The following CMIP variants were observed in gnomAD, a reference collection of about 807,000 sequenced individuals.
CMIP encodes the protein C-Maf-inducing protein.
Under a neutral mutation model 97.3 loss-of-function variants are expected in CMIP, and 13 were observed. The ratio of observed to expected loss-of-function variants is 0.13; its 90% CI spans 0.09 to 0.21. The LOEUF (loss-of-function observed/expected upper bound fraction) is 0.21, where lower values mean the gene tolerates loss of function less well. Ranked by LOEUF, CMIP falls within the 10% of genes least tolerant of loss-of-function variation. The probability of loss-of-function intolerance (pLI) is 1.00; values close to 1 mark genes in which losing one functional copy is unlikely to be tolerated. For missense variants in CMIP, 847 were observed against 1,024.9 expected, an observed-to-expected ratio of 0.83 and a Z score of 2.37; for synonymous variants, 538 against 436.3, an observed-to-expected ratio of 1.23 and a Z score of -2.91.
At chr16:81,549,547 C>T (rs549638272) in intron 1 of CMIP, among the ~76,000 whole-genome samples, 29 of 151,568 alleles carry the variant, frequency 1.9e-4, no homozygotes, top group Admixed American at 4.6e-4. Flanking sequence ...GTGTTGGGGG[C>T]GGGGGGCGGA....
intron 1 of CMIP, among the ~76,000 whole-genome samples, chr16:81,511,647 A>G (rs1485959201): frequency 6.6e-6 from 1 of 152,092 alleles, no homozygotes; most frequent in Non-Finnish European, 1.5e-5. Flanking sequence ...TGCAGCTTCA[A>G]CTTCCCAGGC....
chr16:81,446,394 CTTCGTACGTGG>C (rs1295398689), intron 1 of CMIP, among the ~76,000 whole-genome samples: 1 of 150,718 alleles, frequency 6.6e-6, no homozygotes, highest in Non-Finnish European at 1.5e-5. Flanking sequence ...TGGTGGCCTT[CTTCGTACGTGG>C]AGAAAGACAG....
intron 10 of CMIP, among the ~76,000 whole-genome samples, chr16:81,684,448 A>G (rs1162374177): frequency 6.6e-6 from 1 of 152,234 alleles, no homozygotes. Flanking sequence ...TCTGTGAGTC[A>G]GGGAAAGCAG....
chr16:81,527,014 C>G (rs1049544218), intron 1 of CMIP, among the ~76,000 whole-genome samples: 3 of 152,254 alleles, frequency 2.0e-5, no homozygotes, highest in African/African-American at 7.2e-5. Context: ...AGTTTGGGGC[C>G]TGGTTTCTGA....
chr16:81,445,209 TC>T lies in CMIP; in HGVS notation c.-29del, dbSNP rs1018772316. The T allele has an allele frequency of 4.5e-5, 61 of 1,356,826 alleles. No homozygotes were observed. The highest frequency in any genetic ancestry group is 5.8e-5 in the Non-Finnish European group (59 of 1,025,058). 84.0% of individuals were successfully genotyped at this position (1,356,826 alleles called of 1,614,324 possible). On this transcript the variant is annotated 5_prime_UTR_variant, in exon 1 of 21. Coordinates refer to ENST00000537098, the MANE Select transcript of CMIP (RefSeq NM_198390.3). Reference sequence around the variant, plus strand: ...CCCAGCAGCCCAGGACAGCCCCCTCTCCCCGCCCCCAGCCCCCTCCCCCGGC... The same window carrying T: ...CCCAGCAGCCCAGGACAGCCCCCTCTCCCGCCCCCAGCCCCCTCCCCCGGC...
intron 1 of CMIP, among the ~76,000 whole-genome samples, chr16:81,447,132 C>T (rs1302772533): frequency 6.6e-6 from 1 of 152,070 alleles, no homozygotes; most frequent in Non-Finnish European, 1.5e-5. Context: ...CGGAGTGTTT[C>T]TGATGTGGGG....
intron 3 of CMIP, among the ~76,000 whole-genome samples, chr16:81,640,517 C>T (rs1225854239): frequency 6.6e-6 from 1 of 152,174 alleles, no homozygotes; most frequent in Non-Finnish European, 1.5e-5. Context: ...GCTGCTATGA[C>T]AAATTTCCGT....
chr16:81,668,523 C>A (rs1288209094), intron 7 of CMIP, among the ~76,000 whole-genome samples: 1 of 152,176 alleles, frequency 6.6e-6, no homozygotes, highest in Admixed American at 6.5e-5. Context: ...CCGAGCACGG[C>A]AGCCACCACA....
At chr16:81,703,875 G>T in intron 17 of CMIP, 64 bp from the exon 18 acceptor site, 2 of 1,532,852 alleles carry the variant, frequency 1.3e-6, no homozygotes, top group Non-Finnish European at 1.7e-6. Flanking sequence ...ATAGGGGATA[G>T]GAGGGCTCAG....
chr16:81,568,060 T>G (rs1226519810), intron 1 of CMIP, among the ~76,000 whole-genome samples: 2 of 149,194 alleles, frequency 1.3e-5, no homozygotes, highest in South Asian at 2.1e-4. Flanking sequence ...TTTTTTTTTT[T>G]GAAGCTGGAA....
At chr16:81,509,219 G>T (rs1597488260) in intron 1 of CMIP, among the ~76,000 whole-genome samples, 1 of 152,198 alleles carries the variant, frequency 6.6e-6, no homozygotes, top group Non-Finnish European at 1.5e-5. Flanking sequence ...TTGCCCCACA[G>T]GGCTCTCTTT....
intron 7 of CMIP, chr16:81,666,974 G>GA (rs1015557718): frequency 6.6e-6 from 1 of 151,826 alleles, no homozygotes; most frequent in African/African-American, 2.4e-5. Flanking sequence ...TGGTGTGGGG[G>GA]GGGGGTCATG....
chr16:81,496,955 C>T (rs879582925), intron 1 of CMIP, among the ~76,000 whole-genome samples: 2 of 152,260 alleles, frequency 1.3e-5, no homozygotes, highest in Admixed American at 6.5e-5. Flanking sequence ...TGCTGGCTGG[C>T]TGGGGGGTTC....
At chr16:81,623,955 G>A (rs2150964113) in intron 3 of CMIP, among the ~76,000 whole-genome samples, 1 of 152,172 alleles carries the variant, frequency 6.6e-6, no homozygotes, top group African/African-American at 2.4e-5. Context: ...CCTCCTCCTT[G>A]ATCACACCGT....
At chr16:81,638,000 C>A (rs1207216384) in intron 3 of CMIP, among the ~76,000 whole-genome samples, 1 of 152,164 alleles carries the variant, frequency 6.6e-6, no homozygotes, top group Admixed American at 6.5e-5. Context: ...ATGAACTAAT[C>A]ACCCCCACGA....
At chr16:81,602,346 CTAA>C (rs1247945921) in intron 1 of CMIP, among the ~76,000 whole-genome samples, 1 of 152,240 alleles carries the variant, frequency 6.6e-6, no homozygotes, top group Non-Finnish European at 1.5e-5. Context: ...CACCAGAGTG[CTAA>C]TGAGTGGTCT....
intron 1 of CMIP, among the ~76,000 whole-genome samples, chr16:81,485,969 T>C (rs1432902003): frequency 6.6e-6 from 1 of 152,152 alleles, no homozygotes; most frequent in Non-Finnish European, 1.5e-5. Context: ...GAGTGTGTCA[T>C]GGGACCGATG....
intron 3 of CMIP, among the ~76,000 whole-genome samples, chr16:81,646,952 T>C (rs1046172968): frequency 1.3e-5 from 2 of 152,370 alleles, no homozygotes; most frequent in South Asian, 4.1e-4. Flanking sequence ...TTGTTTCTCT[T>C]TCTCTTGGGT....
At chr16:81,592,047 CT>C (rs2091474333) in intron 1 of CMIP, among the ~76,000 whole-genome samples, 1 of 152,044 alleles carries the variant, frequency 6.6e-6, no homozygotes. Flanking sequence ...TGGTCTCAAA[CT>C]CCTGGGCTCA....
Sources: allele counts gnomAD v4.1 joint callset (sites outside exome capture counted in the v4.1 genomes callset), GRCh38; gene constraint gnomAD v4.1.1; transcripts MANE v1.5; gene names NCBI Gene and HGNC (gene_info 2026-07-23, HGNC 2026-07-21).